THBS2: variants seen among roughly 807,000 people sequenced by gnomAD.
THBS2 encodes thrombospondin 2.
In THBS2, 47 loss-of-function variants were observed where a neutral mutation model predicts 135.2. The ratio of observed to expected loss-of-function variants is 0.35; its 90% CI spans 0.28 to 0.44. The LOEUF (loss-of-function observed/expected upper bound fraction) is 0.44. THBS2 is among the 20% of genes least tolerant of loss of function. The probability of loss-of-function intolerance (pLI) is 1.00; values close to 1 mark genes in which losing one functional copy is unlikely to be tolerated. For missense variants in THBS2, 1,288 were observed against 1,603.1 expected, an observed-to-expected ratio of 0.80 and a Z score of 3.36; for synonymous variants, 639 against 633.8, an observed-to-expected ratio of 1.01 and a Z score of -0.12.
In THBS2 at chr6:169,229,798, G is replaced by A. The variant is rs1387083101; in HGVS notation, c.2152-119C>T. 72 of 741,092 alleles carry A rather than the reference G, an allele frequency of 9.7e-5. No individual in the cohort carries two copies. In the Admixed American group the frequency reaches 1.1e-3, roughly 11 times the overall value. The allele number at this position is 741,092 out of a possible 1,614,324, so 45.9% of individuals were successfully genotyped here. On this transcript the variant is annotated intron_variant, in intron 13 of 21. Coordinates refer to ENST00000617924, the MANE Select transcript of THBS2 (RefSeq NM_003247.5). ...AAGGAAGCGTGCCCCATCAGTCCTCGATCTCAAGCGGGAGCTGAGAGAGGA... is the reference window on the plus strand; with the variant it reads ...AAGGAAGCGTGCCCCATCAGTCCTCAATCTCAAGCGGGAGCTGAGAGAGGA...
At chr6:169,232,632 C>A (rs779882128) in intron 12 of THBS2, 32 bp downstream of exon 12, 3 of 1,564,548 alleles carry the variant, frequency 1.9e-6, no homozygotes, top group Non-Finnish European at 2.6e-6. Context: ...CAAAGCCGCT[C>A]GCAACACACA....
rs76881132 is a variant in THBS2, at chr6:169,225,509, C to T, written c.2539-130G>A. The stretch of plus-strand genomic sequence containing the variant: ...CACAAGCCCCAGGGCCACGCAGGGG[C>T]GGCTGGCCCGAGGTCACACTGACCC... On this transcript the variant is annotated intron_variant, in intron 16 of 21. Transcript: ENST00000617924. 4,729 of 908,442 alleles carry T rather than the reference C, an allele frequency of 5.2e-3. 137 individuals are homozygous for T. In the African/African-American group the frequency reaches 0.066, roughly 13 times the overall value. 56.3% of individuals were successfully genotyped at this position (908,442 alleles called of 1,614,324 possible). A position where few individuals can be genotyped will look rare whatever the true frequency, so the allele number is the denominator to read the frequency against.
rs370324345 is a variant in THBS2 at position 169,237,161 on chromosome 6, C to T, written c.1477+9G>A. The T allele has an allele frequency of 2.3e-5, 37 of 1,598,660 alleles. No homozygotes were observed. Among genetic ancestry groups the T allele is most frequent in the South Asian group, 1.9e-4 (17 of 90,868 alleles). ...CGCCCACCCAGGGCCCCGCCTTCAC[C>T]GTACTTACTTGGGCATGGGGCGCCC... On this transcript the variant is annotated intron_variant, in intron 9 of 21. Coordinates refer to ENST00000617924, the MANE Select transcript of THBS2 (RefSeq NM_003247.5).
In THBS2 at chr6:169,248,602, C is replaced by T. The variant is rs1437092784; in HGVS notation, c.424G>A (p.Val142Ile). The change falls in exon 3 of 22, where the codon GTC becomes ATC. Residue 142 changes from valine (V) to isoleucine (I), a missense_variant. Val to Ile is a conservative substitution (Grantham distance 29). Around this residue, in one of 2 missense-constraint regions of THBS2, gnomAD observed 414 missense variants for 447.0 expected, o/e 0.93. Transcript: ENST00000617924. The stretch of plus-strand genomic sequence containing the variant: ...TTCCACTGCGAGTCAGCCAGGCCGA[C>T]GTCCTCCAGGGAGACCACATGCCGG... ...GTRHVVSLED[V>I]GLADSQWKNV... 1 of 1,613,942 alleles carries T rather than the reference C, an allele frequency of 6.2e-7. No homozygotes were observed. The highest frequency in any genetic ancestry group is 8.5e-7 in the Non-Finnish European group (1 of 1,180,044).
intron 3 of THBS2, among the ~76,000 whole-genome samples, chr6:169,248,104 G>T (rs2115033668): frequency 6.6e-6 from 1 of 151,896 alleles, no homozygotes; most frequent in Middle Eastern, 3.4e-3. Context: ...ACATATGCGA[G>T]TGTGAGTGCA....
chr6:169,249,756 C>A (rs901567831), intron 2 of THBS2, among the ~76,000 whole-genome samples: 1 of 152,128 alleles, frequency 6.6e-6, no homozygotes, highest in African/African-American at 2.4e-5. Flanking sequence ...CAAAGCCAGG[C>A]GCGGTGGCTC....
chr6:169,245,788 G>C (rs954983444), intron 4 of THBS2, among the ~76,000 whole-genome samples: 1 of 125,996 alleles, frequency 7.9e-6, no homozygotes, highest in African/African-American at 3.0e-5. Flanking sequence ...TGAGACTCTG[G>C]CTCAAAAAAA....
chr6:169,250,755 C>T lies in THBS2; in HGVS notation c.30G>A (p.Leu10=). The T allele has an allele frequency of 6.2e-7, 1 of 1,613,756 alleles. No individual in the cohort carries two copies. The highest frequency in any genetic ancestry group is 8.5e-7 in the Non-Finnish European group (1 of 1,179,882). Residue 10 remains leucine (L), a synonymous_variant, in exon 2 of 22, where the codon CTG becomes CTA. Transcript: ENST00000617924. ...CACCTTGCGTGCTGGGCCACACCCA[C>T]AGAGCCAGCAGGACCAGCCTCCAGA... MVWRLVLLA[L]WVWPSTQAGH... is the part of the protein sequence containing the mutation.
Position 169,241,713 on chromosome 6 carries a change from G to C in THBS2, c.891+49C>G. ...ATACCTGCTGAGATGGGCCAGCGGC[G>C]GAGCTGCCCATGCCCTATGACCCCC... is the stretch of plus-strand genomic sequence containing the variant. On this transcript the variant is annotated intron_variant, in intron 5 of 21. Transcript: ENST00000617924. The surrounding 1 kb of genome is among the most constrained non-coding windows in gnomAD (Gnocchi z 5.5). The C allele has an allele frequency of 1.3e-6, 2 of 1,538,340 alleles. No homozygotes were observed. The highest frequency in any genetic ancestry group is 1.8e-6 in the Non-Finnish European group (2 of 1,132,260).
intron 9 of THBS2, among the ~76,000 whole-genome samples, chr6:169,235,491 A>G (rs1780000093): frequency 6.6e-6 from 1 of 152,032 alleles, no homozygotes; most frequent in Non-Finnish European, 1.5e-5. Flanking sequence ...TCTTTTTCTC[A>G]GCACATCCAT....
At chr6:169,233,397 C>T (rs986282375) in intron 10 of THBS2, among the ~76,000 whole-genome samples, 2 of 151,986 alleles carry the variant, frequency 1.3e-5, no homozygotes, top group South Asian at 2.1e-4. Flanking sequence ...CAACTACCCA[C>T]GTGCCACCTT....
chr6:169,248,813 G>A lies in THBS2; in HGVS notation c.213C>T (p.Leu71=), dbSNP rs770340323. 12 of 1,610,856 alleles carry A rather than the reference G, an allele frequency of 7.4e-6. No individual in the cohort carries two copies. The Admixed American group carries it at 1.8e-4, about 25-fold the overall frequency. ...GCCGCATGATCTTGGTGATCTTGCT[G>A]AGGTCATCTGCGTTCACCGGTGGGA... ...DYIPPVNADD[L]SKITKIMRQK... Residue 71 remains leucine (L), a synonymous_variant, in exon 3 of 22, where the codon CTC becomes CTT. Transcript: ENST00000617924.
rs200055895 is a variant in THBS2, at chr6:169,237,743, G to A, written c.1182C>T (p.Ser394=). Residue 394 remains serine (S), a synonymous_variant, in exon 8 of 22, where the codon TCC becomes TCT. Coordinates refer to ENST00000617924, the MANE Select transcript of THBS2 (RefSeq NM_003247.5). The part of the protein sequence containing the change: ...WSPWAEWTQC[S]VTCGSGTQQR... Reference sequence around the variant, plus strand: ...GCTGGGTCCCAGAGCCACACGTCACGGAGCACTGGGTCCACTCTGCCCACG... The same window carrying A: ...GCTGGGTCCCAGAGCCACACGTCACAGAGCACTGGGTCCACTCTGCCCACG... The A allele has an allele frequency of 1.6e-5, 25 of 1,612,202 alleles. No individual in the cohort carries two copies. Among genetic ancestry groups the A allele is most frequent in the East Asian group, 6.7e-5 (3 of 44,892 alleles).
At chr6:169,232,578 C>G in intron 12 of THBS2, 86 bp downstream of exon 12, 1 of 1,521,716 alleles carries the variant, frequency 6.6e-7, no homozygotes, top group Non-Finnish European at 8.8e-7. Flanking sequence ...GCCACCCCTT[C>G]CTCTCCTTCC....
intron 16 of THBS2, 47 bp downstream of exon 16, chr6:169,226,133 C>T (rs770925606): frequency 5.5e-5 from 85 of 1,538,384 alleles, no homozygotes; most frequent in Non-Finnish European, 7.3e-5. Context: ...GTCCCCGCGT[C>T]CCTCTGATGA....
Position 169,217,481 on chromosome 6 carries a change from T to C in THBS2, c.*341A>G, listed in dbSNP as rs1439158506. 1 of 321,028 alleles carries C rather than the reference T, an allele frequency of 3.1e-6. No individual in the cohort carries two copies. Among genetic ancestry groups the C allele is most frequent in the African/African-American group, 2.1e-5 (1 of 46,922 alleles). The allele number at this position is 321,028 out of a possible 1,614,324, so 19.9% of individuals were successfully genotyped here. On this transcript the variant is annotated 3_prime_UTR_variant, in exon 22 of 22. Transcript: ENST00000617924. ...CCCTTCAACTCCATATACACATAAA[T>C]ACAATAAGTAATTACATTTTATATG...
chr6:169,242,883 C>CCT (rs1780393466), intron 4 of THBS2, among the ~76,000 whole-genome samples: 2 of 30,530 alleles, frequency 6.6e-5, no homozygotes, highest in Admixed American at 4.7e-4. Flanking sequence ...CTTCCCACCA[C>CCT]TCCCACCTTC....
chr6:169,244,313 A>AACACACACACACACACAC (rs35075375), intron 4 of THBS2, among the ~76,000 whole-genome samples: 5 of 147,210 alleles, frequency 3.4e-5, no homozygotes, highest in African/African-American at 1.0e-4. Context: ...GTATGCTGGT[A>AACACACACACACACACAC]ACACACACAC....
At chr6:169,245,680 T>G (rs1040590046) in intron 4 of THBS2, among the ~76,000 whole-genome samples, 11 of 150,818 alleles carry the variant, frequency 7.3e-5, no homozygotes, top group Non-Finnish European at 1.5e-4. Context: ...TAGTCCCAGC[T>G]ACTCAGGAGG....
Sources: allele counts gnomAD v4.1 joint callset (sites outside exome capture counted in the v4.1 genomes callset), GRCh38; gene constraint gnomAD v4.1.1; regional missense constraint gnomAD v4.1.1; non-coding constraint Gnocchi (gnomAD v3.1); transcripts MANE v1.5; gene names NCBI Gene and HGNC (gene_info 2026-07-23, HGNC 2026-07-21).